Variants in ARNT2 observed in about 807,000 individuals in gnomAD.
The protein encoded by ARNT2 is ARNT protein 2.
In ARNT2, 36 loss-of-function variants were observed where a neutral mutation model predicts 91.7. That is an observed-to-expected ratio of 0.39 (90% CI 0.30 to 0.52). The LOEUF is 0.52. Among genes scored for constraint, ARNT2 ranks in the 20% least tolerant of loss-of-function variants. ARNT2 has a pLI of 0.72. For missense variants in ARNT2, 775 were observed against 939.3 expected, an observed-to-expected ratio of 0.83 and a Z score of 2.29; for synonymous variants, 365 against 347.1, an observed-to-expected ratio of 1.05 and a Z score of -0.57.
chr15:80,535,130 G>A (rs1304294685), intron 8 of ARNT2, among the ~76,000 whole-genome samples: 1 of 152,210 alleles, frequency 6.6e-6, no homozygotes, highest in Non-Finnish European at 1.5e-5. Context: ...GCAGACATCT[G>A]GGAGCAAGGA....
intron 3 of ARNT2, among the ~76,000 whole-genome samples, chr15:80,464,659 G>A (rs1896623683): frequency 6.6e-6 from 1 of 152,214 alleles, no homozygotes; most frequent in African/African-American, 2.4e-5. Context: ...TGGGAAAACT[G>A]CCTTACTGAA....
chr15:80,573,975 G>A (rs1370889656), intron 12 of ARNT2, 173 bp from the exon 13 acceptor site: 2 of 593,548 alleles, frequency 3.4e-6, no homozygotes, highest in African/African-American at 3.7e-5. Flanking sequence ...GAAATGCAAT[G>A]TCTGGAGTCT....
chr15:80,593,664 C>T lies in ARNT2; in HGVS notation c.2120C>T (p.Ala707Val). The part of the protein sequence containing the change: ...GTGNYNIEDF[A>V]DLGMFPPFSE The stretch of plus-strand genomic sequence containing the variant: ...GGCAACTATAACATCGAAGACTTTG[C>T]CGACCTGGGCATGTTTCCACCGTTT... Residue 707 changes from alanine (A) to valine (V), a missense_variant, in exon 19 of 19, where the codon GCC (alanine) becomes GTC (valine). Ala to Val is a moderately conservative substitution (Grantham distance 64). Transcript: ENST00000303329. 1.2e-6 allele frequency: 2 copies of T among 1,605,984 alleles called. No homozygotes were observed. Among genetic ancestry groups the T allele is most frequent in the Middle Eastern group, 1.7e-4 (1 of 6,042 alleles).
chr15:80,532,724 A>G (rs1194756689), intron 8 of ARNT2, among the ~76,000 whole-genome samples: 3 of 152,198 alleles, frequency 2.0e-5, no homozygotes, highest in Non-Finnish European at 4.4e-5. Flanking sequence ...TCCTACTGTC[A>G]TTATTCTTAT....
chr15:80,431,094 A>G (rs187585672), intron 1 of ARNT2, among the ~76,000 whole-genome samples: 41 of 152,194 alleles, frequency 2.7e-4, no homozygotes, highest in Non-Finnish European at 4.9e-4. Context: ...TCAGGTACTT[A>G]CATGTACCCC....
chr15:80,554,639 C>A, intron 10 of ARNT2: 1 of 163,588 alleles, frequency 6.1e-6, no homozygotes, highest in Admixed American at 5.8e-5. Context: ...TTATGATAAC[C>A]TCATTTTTTC....
At chr15:80,567,298 G>A (rs1282820307) in intron 12 of ARNT2, among the ~76,000 whole-genome samples, 1 of 135,234 alleles carries the variant, frequency 7.4e-6, no homozygotes, top group Non-Finnish European at 1.5e-5. Flanking sequence ...GATCTGCTTA[G>A]CATCTGTTCA....
At chr15:80,522,625 G>A (rs1444314690) in intron 8 of ARNT2, among the ~76,000 whole-genome samples, 1 of 151,970 alleles carries the variant, frequency 6.6e-6, no homozygotes, top group Non-Finnish European at 1.5e-5. Flanking sequence ...TAACACAATG[G>A]TGAGTATTTG....
At chr15:80,496,391 T>A (rs1400657367) in intron 5 of ARNT2, among the ~76,000 whole-genome samples, 1 of 152,192 alleles carries the variant, frequency 6.6e-6, no homozygotes, top group Non-Finnish European at 1.5e-5. Context: ...TGACACAGCC[T>A]GTAACTCCAG....
At chr15:80,532,055 G>A (rs929956381) in intron 8 of ARNT2, among the ~76,000 whole-genome samples, 3 of 152,208 alleles carry the variant, frequency 2.0e-5, no homozygotes, top group African/African-American at 7.2e-5. Context: ...AGAACTGGAT[G>A]TGTTCAGCCC....
chr15:80,447,188 C>G (rs1187208319), intron 1 of ARNT2, among the ~76,000 whole-genome samples: 1 of 152,030 alleles, frequency 6.6e-6, no homozygotes, highest in African/African-American at 2.4e-5. Context: ...CCCATCACAG[C>G]AAGGGAGAAG....
intron 1 of ARNT2, among the ~76,000 whole-genome samples, chr15:80,415,891 T>C: frequency 6.6e-6 from 1 of 152,140 alleles, no homozygotes; most frequent in Non-Finnish European, 1.5e-5. Context: ...TGGTTGAGTT[T>C]AAGGCACCTT....
rs535137732 is a variant in ARNT2 at position 80,562,700 on chromosome 15, A to G, written c.1165-388A>G. Among the ~76,000 whole-genome samples the G allele has an allele frequency of 2.0e-5, 3 of 152,352 alleles. No individual in the cohort carries two copies. The South Asian group carries it at 6.2e-4, about 32-fold the overall frequency. ...TACAATGTAGCTACATACCTGAGTGAGATAACTTGGGGGTGAGTGGAGAGC... is the reference window on the plus strand; with the variant it reads ...TACAATGTAGCTACATACCTGAGTGGGATAACTTGGGGGTGAGTGGAGAGC... On this transcript the variant is annotated intron_variant, in intron 11 of 18. Transcript: ENST00000303329.
intron 8 of ARNT2, among the ~76,000 whole-genome samples, chr15:80,521,215 C>T (rs1897540445): frequency 6.6e-6 from 1 of 152,062 alleles, no homozygotes; most frequent in Non-Finnish European, 1.5e-5. Context: ...ATTTTATTTT[C>T]ACATTGAAAA....
At chr15:80,550,024 T>A (rs1898055153) in intron 8 of ARNT2, among the ~76,000 whole-genome samples, 1 of 152,118 alleles carries the variant, frequency 6.6e-6, no homozygotes, top group African/African-American at 2.4e-5. Flanking sequence ...AAAAAAGAAT[T>A]GAGGAAGAGC....
intron 5 of ARNT2, among the ~76,000 whole-genome samples, chr15:80,498,325 A>G (rs1475162811): frequency 6.6e-6 from 1 of 152,202 alleles, no homozygotes; most frequent in Admixed American, 6.5e-5. Context: ...CAGAAGGGCT[A>G]CGTGGCCTTA....
intron 8 of ARNT2, among the ~76,000 whole-genome samples, chr15:80,535,684 G>A (rs975875365): frequency 2.7e-5 from 4 of 150,270 alleles, no homozygotes; most frequent in Non-Finnish European, 5.9e-5. Flanking sequence ...CGTTCAACCT[G>A]TCTTTGTCTT....
chr15:80,489,776 G>T (rs1897026863), intron 5 of ARNT2, among the ~76,000 whole-genome samples: 1 of 152,218 alleles, frequency 6.6e-6, no homozygotes, highest in Admixed American at 6.5e-5. Context: ...TGCTTGCTAG[G>T]GCTGGGAATT....
At chr15:80,443,128 A>G (rs1288211688) in intron 1 of ARNT2, 2 of 694,132 alleles carry the variant, frequency 2.9e-6, no homozygotes, top group Non-Finnish European at 3.5e-6. Context: ...CAAAATCTAA[A>G]TGACTGTAAG....
Sources: gnomAD v4.1 joint callset for allele counts (sites outside exome capture counted in the v4.1 genomes callset) on GRCh38, gnomAD v4.1.1 for gene constraint, MANE v1.5 for transcripts, NCBI Gene and HGNC (gene_info 2026-07-23, HGNC 2026-07-21) for gene names.